BRS3: variants seen among roughly 807,000 people sequenced by gnomAD.
The protein encoded by BRS3 is bombesin receptor subtype-3.
BRS3 carries 5 observed loss-of-function variants against 18.8 expected under a neutral mutation model. The ratio of observed to expected loss-of-function variants is 0.27; its 90% CI spans 0.14 to 0.56. The LOEUF is 0.56. Ranked by LOEUF, BRS3 falls within the 20% of genes least tolerant of loss-of-function variation. The probability of loss-of-function intolerance (pLI) is 0.93; values close to 1 mark genes in which losing one functional copy is unlikely to be tolerated. For synonymous variants in BRS3, 121 were observed against 115.0 expected (o/e 1.05, Z -0.33); for missense variants, 215 against 296.3 (o/e 0.73, Z 2.01).
rs1343070954 is a variant in BRS3 at position 136,492,686 on chromosome X, T to G, written c.*311T>G. ...AACAAGATGAAACTTAAAAATCTCATTTGTTGTTTAATCACATCTGTGATG... is the reference window on the plus strand; with the variant it reads ...AACAAGATGAAACTTAAAAATCTCAGTTGTTGTTTAATCACATCTGTGATG... On this transcript the variant is annotated 3_prime_UTR_variant, in exon 3 of 3. Transcript: ENST00000370648. 1 of 211,134 alleles carries G rather than the reference T, an allele frequency of 4.7e-6. No homozygotes were observed. The highest frequency in any genetic ancestry group is 8.6e-6 in the Non-Finnish European group (1 of 116,811). 17.4% of individuals were successfully genotyped at this position (211,134 alleles called of 1,213,427 possible). A position where few individuals can be genotyped will look rare whatever the true frequency, so the allele number is the denominator to read the frequency against.
intron 1 of BRS3, among the ~76,000 whole-genome samples, 174 bp from the exon 2 acceptor site, chrX:136,489,959 G>A (rs1405090858): frequency 2.7e-5 from 3 of 111,848 alleles, no homozygotes; most frequent in Non-Finnish European, 5.6e-5. Flanking sequence ...TAAAAATATT[G>A]GGATGTATTA....
At position 136,492,440 on chromosome X, in the gene BRS3, T is replaced by A. The variant is rs1186997645; in HGVS notation, c.*65T>A. 1 of 1,071,999 alleles carries A rather than the reference T, an allele frequency of 9.3e-7. No individual in the cohort carries two copies. Among genetic ancestry groups the A allele is most frequent in the African/African-American group, 1.9e-5 (1 of 53,644 alleles). The allele number at this position is 1,071,999 out of a possible 1,213,427, so 88.3% of individuals were successfully genotyped here. On this transcript the variant is annotated 3_prime_UTR_variant, in exon 3 of 3. Coordinates refer to ENST00000370648, the MANE Select transcript of BRS3 (RefSeq NM_001727.2). ...TATCCGACTCTAAGCTGTGTGCAGG[T>A]GTATGGTGTCCAGATTTTTGTTGTT...
In BRS3 at chrX:136,488,177, A is replaced by T. The variant is rs781457304; in HGVS notation, c.63A>T (p.Glu21Asp). The change falls in exon 1 of 3, where the codon GAA becomes GAT. Residue 21 changes from glutamate (E) to aspartate (D), a missense_variant. Physicochemically the swap from Glu to Asp is conservative, Grantham distance 45. Coordinates refer to ENST00000370648, the MANE Select transcript of BRS3 (RefSeq NM_001727.2). ...TAATTTCAATCACAAATGACACAGA[A>T]TCATCAAGCTCTGTGGTTTCTAACG... is the stretch of plus-strand genomic sequence containing the variant. Reference protein sequence around the residue: ...QTLISITNDTESSSSVVSNDN... With the variant: ...QTLISITNDTDSSSSVVSNDN... 2 of 1,211,261 alleles carry T rather than the reference A, an allele frequency of 1.7e-6. No individual in the cohort carries two copies.
chrX:136,489,491 T>C (rs1236261746), intron 1 of BRS3, among the ~76,000 whole-genome samples: 1 of 111,547 alleles, frequency 9.0e-6, no homozygotes, highest in Non-Finnish European at 1.9e-5. Flanking sequence ...CAGACTGGCT[T>C]AATGACTGTA....
In BRS3 at chrX:136,490,217, C is replaced by T. The variant is rs202114962; in HGVS notation, c.519C>T (p.Ile173=). 17 of 1,211,031 alleles carry T rather than the reference C, an allele frequency of 1.4e-5. No individual in the cohort carries two copies. Among genetic ancestry groups the T allele is most frequent in the Admixed American group, 2.2e-5 (1 of 46,056 alleles). Residue 173 remains isoleucine, a synonymous_variant, in exon 2 of 3, where the codon ATC becomes ATT. Transcript: ENST00000370648. Reference sequence around the variant, plus strand: ...GTGTAAAAGCTGGCTGCGTCTGGATCGTGTCTATGATATTTGCTCTACCTG... The same window carrying T: ...GTGTAAAAGCTGGCTGCGTCTGGATTGTGTCTATGATATTTGCTCTACCTG... ...KTCVKAGCVW[I]VSMIFALPEA... is the part of the protein sequence containing the mutation.
At position 136,492,600 on chromosome X, in the gene BRS3, A is replaced by G; in HGVS notation, c.*225A>G. ...AAATGAAGCCCCACTAAGTGCAGAAAGACAAGTTTATATATGCCAGTGAAT... is the reference window on the plus strand; with the variant it reads ...AAATGAAGCCCCACTAAGTGCAGAAGGACAAGTTTATATATGCCAGTGAAT... On this transcript the variant is annotated 3_prime_UTR_variant, in exon 3 of 3. Coordinates refer to ENST00000370648, the MANE Select transcript of BRS3 (RefSeq NM_001727.2). 2 of 336,798 alleles carry G rather than the reference A, an allele frequency of 5.9e-6. No individual in the cohort carries two copies. The highest frequency in any genetic ancestry group is 2.2e-4 in the South Asian group (2 of 8,944). The allele number at this position is 336,798 out of a possible 1,213,427, so 27.8% of individuals were successfully genotyped here.
Position 136,493,708 on chromosome X carries a change from G to A in BRS3, c.*1333G>A, listed in dbSNP as rs1423760255. 2 of 111,947 alleles carry A rather than the reference G, an allele frequency of 1.8e-5. No homozygotes were observed. Among genetic ancestry groups the A allele is most frequent in the Non-Finnish European group, 3.8e-5 (2 of 53,183 alleles). 9.2% of individuals were successfully genotyped at this position (111,947 alleles called of 1,213,427 possible). ...AAAGTTGGGCGGGGGGTGTGATACT[G>A]TATTAGTATTGTTTTAAAGTGGACA... On this transcript the variant is annotated 3_prime_UTR_variant, in exon 3 of 3. Coordinates refer to ENST00000370648, the MANE Select transcript of BRS3 (RefSeq NM_001727.2).
In BRS3 at chrX:136,490,289, T is replaced by C; in HGVS notation, c.591T>C (p.Asn197=). 1.7e-6 allele frequency: 2 copies of C among 1,210,887 alleles called. No individual in the cohort carries two copies. Among genetic ancestry groups the C allele is most frequent in the Non-Finnish European group, 2.2e-6 (2 of 894,516 alleles). The change falls in exon 2 of 3, where the codon AAT becomes AAC. Residue 197 remains asparagine, a synonymous_variant. Coordinates refer to ENST00000370648, the MANE Select transcript of BRS3 (RefSeq NM_001727.2). ...ACACTTTTCGAGATCCCAATAAAAA[T>C]ATGACATTTGAATCATGTACCTCTT... ...NVYTFRDPNK[N]MTFESCTSYP... is the part of the protein sequence containing the mutation.
At chrX:136,491,620 G>A (rs1323972560) in intron 2 of BRS3, among the ~76,000 whole-genome samples, 2 of 111,709 alleles carry the variant, frequency 1.8e-5, no homozygotes, top group South Asian at 3.7e-4. Flanking sequence ...AGAATTCCAC[G>A]GCATTCTTCG....
Position 136,492,707 on chromosome X carries a change from T to C in BRS3, c.*332T>C, listed in dbSNP as rs1603305461. 5.6e-6 allele frequency: 1 copy of C among 177,016 alleles called. No individual in the cohort carries two copies. Among genetic ancestry groups the C allele is most frequent in the East Asian group, 1.2e-4 (1 of 8,559 alleles). The allele number at this position is 177,016 out of a possible 1,213,427, so 14.6% of individuals were successfully genotyped here. On this transcript the variant is annotated 3_prime_UTR_variant, in exon 3 of 3. Transcript: ENST00000370648. Reference sequence around the variant, plus strand: ...CTCATTTGTTGTTTAATCACATCTGTGATGCTTCTAACTCCTCATATACTG... The same window carrying C: ...CTCATTTGTTGTTTAATCACATCTGCGATGCTTCTAACTCCTCATATACTG...
intron 1 of BRS3, among the ~76,000 whole-genome samples, chrX:136,489,896 C>A (rs2037460982): frequency 9.0e-6 from 1 of 111,284 alleles, no homozygotes; most frequent in Admixed American, 9.5e-5. Flanking sequence ...TATAAAATTG[C>A]AAATCTGGAA....
rs2075659363 is a variant in BRS3 at position 136,488,340 on chromosome X, A to G, written c.226A>G (p.Lys76Glu). Residue 76 changes from lysine (K) to glutamate (E), a missense_variant, in exon 1 of 3, where the codon AAA (lysine) becomes GAA (glutamate). Lys to Glu is a moderately conservative substitution (Grantham distance 56, BLOSUM62 1). Transcript: ENST00000370648. ...AILIKVFFKT[K>E]SMQTVPNIFI... ...TCTCATCAAAGTCTTTTTCAAGACC[A>G]AATCCATGCAAACAGTTCCAAATAT... 1.7e-6 allele frequency: 2 copies of G among 1,212,064 alleles called. No individual in the cohort carries two copies. The highest frequency in any genetic ancestry group is 2.2e-6 in the Non-Finnish European group (2 of 895,587).
chrX:136,491,913 G>GTGTTTTTTT lies in BRS3; in HGVS notation c.787-48_787-47insGTTTTTTTT, dbSNP rs773324636. 10 of 436,965 alleles carry GTGTTTTTTT rather than the reference G, an allele frequency of 2.3e-5. No homozygotes were observed. The African/African-American group carries it at 7.3e-4, about 32-fold the overall frequency. The allele number at this position is 436,965 out of a possible 1,213,427, so 36.0% of individuals were successfully genotyped here. A position where few individuals can be genotyped will look rare whatever the true frequency, so the allele number is the denominator to read the frequency against. On this transcript the variant is annotated intron_variant, in intron 2 of 2. Coordinates refer to ENST00000370648, the MANE Select transcript of BRS3 (RefSeq NM_001727.2). The stretch of plus-strand genomic sequence containing the variant: ...TTTTTTTGTTGTTGTTGTTTTTTGT[G>GTGTTTTTTT]TTTTTTTTTTTTTTTTTTTTTTTTT...
At chrX:136,488,614 T>C in intron 1 of BRS3, 66 bp downstream of exon 1, 1 of 1,050,308 alleles carries the variant, frequency 9.5e-7, no homozygotes, top group Non-Finnish European at 1.3e-6. Context: ...GGAAAGCTTG[T>C]ACTTAGCATT....
rs763643552 is a variant in BRS3 at position 136,488,480 on chromosome X, G to A, written c.366G>A (p.Val122=). 8 of 1,211,779 alleles carry A rather than the reference G, an allele frequency of 6.6e-6. No homozygotes were observed. In the South Asian group the frequency reaches 1.4e-4, roughly 21 times the overall value. The change falls in exon 1 of 3, where the codon GTG becomes GTA. Residue 122 remains valine (V), a synonymous_variant. Transcript: ENST00000370648. ...GWLFGRIGCK[V]LSFIRLTSVG... ...TGTTCGGAAGAATTGGTTGTAAGGT[G>A]CTCTCTTTCATCCGGCTCACTTCTG...
Position 136,488,024 on chromosome X carries a change from C to G in BRS3, c.-91C>G, listed in dbSNP as rs954364243. 9.3e-6 allele frequency: 8 copies of G among 855,832 alleles called. No individual in the cohort carries two copies. The highest frequency in any genetic ancestry group is 1.1e-5 in the Non-Finnish European group (7 of 610,091). The allele number at this position is 855,832 out of a possible 1,213,427, so 70.5% of individuals were successfully genotyped here. ...CTGTTCTGTTCTGTTCTCCTAATAC[C>G]ATCTCGTTACTAGACGTAGGCATTG... is the stretch of plus-strand genomic sequence containing the variant. On this transcript the variant is annotated 5_prime_UTR_variant, in exon 1 of 3. Coordinates refer to ENST00000370648, the MANE Select transcript of BRS3 (RefSeq NM_001727.2).
Position 136,492,520 on chromosome X carries a change from C to T in BRS3, c.*145C>T, listed in dbSNP as rs1329564930. ...AGGATCCCTATAAGTAAGTAAAATA[C>T]AAACCATTACTTTCTTCAAAGTACA... On this transcript the variant is annotated 3_prime_UTR_variant, in exon 3 of 3. Coordinates refer to ENST00000370648, the MANE Select transcript of BRS3 (RefSeq NM_001727.2). The T allele has an allele frequency of 3.4e-5, 18 of 529,152 alleles. No individual in the cohort carries two copies. The highest frequency in any genetic ancestry group is 5.1e-5 in the Non-Finnish European group (18 of 355,313). 43.6% of individuals were successfully genotyped at this position (529,152 alleles called of 1,213,427 possible).
chrX:136,491,361 C>T (rs2075668285), intron 2 of BRS3, among the ~76,000 whole-genome samples: 1 of 111,823 alleles, frequency 8.9e-6, no homozygotes, highest in Non-Finnish European at 1.9e-5. Flanking sequence ...TATATATTCA[C>T]CTAACTTGGC....
In BRS3 at chrX:136,491,913, G is replaced by GTTTTTT. The variant is rs754593042; in HGVS notation, c.787-28_787-23dup. The GTTTTTT allele has an allele frequency of 1.3e-4, 56 of 436,909 alleles. 8 individuals are homozygous for GTTTTTT. Among genetic ancestry groups the GTTTTTT allele is most frequent in the Middle Eastern group, 1.3e-3 (2 of 1,482 alleles). 36.0% of individuals were successfully genotyped at this position (436,909 alleles called of 1,213,427 possible). On this transcript the variant is annotated intron_variant, in intron 2 of 2. Transcript: ENST00000370648. Reference sequence around the variant, plus strand: ...TTTTTTTGTTGTTGTTGTTTTTTGTGTTTTTTTTTTTTTTTTTTTTTTTTT... The same window carrying GTTTTTT: ...TTTTTTTGTTGTTGTTGTTTTTTGTGTTTTTTTTTTTTTTTTTTTTTTTTTTTTTTT...
Sources: gnomAD v4.1 joint callset for allele counts (sites outside exome capture counted in the v4.1 genomes callset) on GRCh38, gnomAD v4.1.1 for gene constraint, MANE v1.5 for transcripts, NCBI Gene and HGNC (gene_info 2026-07-23, HGNC 2026-07-21) for gene names.